The following CSMD1 variants were observed in gnomAD, a reference collection of about 807,000 sequenced individuals.
The protein encoded by CSMD1 is CUB and Sushi multiple domains 1, also known as CUB and sushi domain-containing protein 1.
CSMD1 carries 213 observed loss-of-function variants against 417.5 expected under a neutral mutation model. The observed-to-expected ratio is 0.51, with a 90% confidence interval of 0.46 to 0.57. The LOEUF (loss-of-function observed/expected upper bound fraction) is 0.57, where lower values mean the gene tolerates loss of function less well. Ranked by LOEUF, CSMD1 falls within the 20% of genes least tolerant of loss-of-function variation. The pLI, the probability that CSMD1 is intolerant of heterozygous loss-of-function variation, is 0.00. For missense variants in CSMD1, 6,923 were observed against 4,529.7 expected, an observed-to-expected ratio of 1.53 and a Z score of -15.17; for synonymous variants, 2,862 against 1,736.8, an observed-to-expected ratio of 1.65 and a Z score of -16.11.
intron 5 of CSMD1, among the ~76,000 whole-genome samples, chr8:3,831,226 T>TA (rs765847215): frequency 5.1e-4 from 77 of 151,866 alleles, no homozygotes; most frequent in Non-Finnish European, 7.2e-4. Context: ...GAAAGTTAAA[T>TA]AAAAAAAACA....
At chr8:3,278,044 C>G (rs1367669283) in intron 26 of CSMD1, among the ~76,000 whole-genome samples, 1 of 152,018 alleles carries the variant, frequency 6.6e-6, no homozygotes, top group Admixed American at 6.6e-5. Flanking sequence ...AAGGGAGACC[C>G]AAGGACAAGC....
intron 20 of CSMD1, among the ~76,000 whole-genome samples, chr8:3,359,588 G>A (rs1248739278): frequency 1.3e-5 from 2 of 151,388 alleles, no homozygotes; most frequent in African/African-American, 4.9e-5. Context: ...ATTACTAGAG[G>A]CTGGGAAGGG....
At chr8:3,479,710 A>G (rs1394041387) in intron 11 of CSMD1, among the ~76,000 whole-genome samples, 1 of 152,222 alleles carries the variant, frequency 6.6e-6, no homozygotes, top group African/African-American at 2.4e-5. Context: ...AAGAGCTGGG[A>G]CACAATCATC....
intron 20 of CSMD1, among the ~76,000 whole-genome samples, chr8:3,362,637 T>G (rs2117730377): frequency 1.3e-5 from 2 of 152,306 alleles, no homozygotes; most frequent in South Asian, 4.1e-4. Flanking sequence ...AAGACTCTTG[T>G]CAATCACTCT....
intron 12 of CSMD1, among the ~76,000 whole-genome samples, chr8:3,466,923 A>T (rs1010296608): frequency 1.3e-4 from 20 of 152,032 alleles, no homozygotes; most frequent in African/African-American, 4.6e-4. Flanking sequence ...AAAATCCTCA[A>T]ATGTTGTATT....
In CSMD1 at chr8:3,575,057, C is replaced by G; in HGVS notation, c.1232G>C (p.Cys411Ser). Reference sequence around the variant, plus strand: ...GCTGGGCCCACGCAGATTGGATCCACATGTTCTCGCTGGAAACACATAGAA... The same window carrying G: ...GCTGGGCCCACGCAGATTGGATCCAGATGTTCTCGCTGGAAACACATAGAA... ...DHRPICRARTCGSNLRGPSGV... is the reference protein window; with the variant it reads ...DHRPICRARTSGSNLRGPSGV... Residue 411 changes from cysteine (C) to serine (S), a missense_variant, in exon 10 of 70, where the codon TGT becomes TCT. Cys to Ser is a moderately radical substitution (Grantham distance 112, BLOSUM62 -1). Coordinates refer to ENST00000635120, the MANE Select transcript of CSMD1 (RefSeq NM_033225.6). 6.2e-7 allele frequency: 1 copy of G among 1,612,508 alleles called. No homozygotes were observed. Among genetic ancestry groups the G allele is most frequent in the Non-Finnish European group, 8.5e-7 (1 of 1,179,214 alleles).
chr8:3,793,247 T>C (rs539582837), intron 5 of CSMD1, among the ~76,000 whole-genome samples: 3 of 152,286 alleles, frequency 2.0e-5, no homozygotes, highest in East Asian at 1.9e-4. Context: ...ACCTTAATGG[T>C]CATCAATCTC....
intron 33 of CSMD1, among the ~76,000 whole-genome samples, chr8:3,193,483 A>T (rs911015223): frequency 1.3e-5 from 2 of 152,158 alleles, no homozygotes; most frequent in Non-Finnish European, 2.9e-5. Context: ...GGTGGAAATC[A>T]GACAGTGCTG....
At chr8:4,597,886 G>T (rs996787091) in intron 2 of CSMD1, among the ~76,000 whole-genome samples, 10 of 152,052 alleles carry the variant, frequency 6.6e-5, no homozygotes, top group African/African-American at 2.4e-4. Flanking sequence ...GATTAATTAG[G>T]TAAGATTTGG....
intron 1 of CSMD1, among the ~76,000 whole-genome samples, chr8:4,699,601 G>A (rs565375254): frequency 9.0e-4 from 137 of 152,210 alleles, no homozygotes; most frequent in African/African-American, 2.8e-3. Context: ...AAACATCAGA[G>A]CTCTTGGCAT....
intron 59 of CSMD1, among the ~76,000 whole-genome samples, chr8:2,965,352 C>T (rs1563187704): frequency 6.6e-6 from 1 of 152,178 alleles, no homozygotes. Context: ...CACTCTCTAC[C>T]AGTGCTCTGC....
At chr8:3,301,754 G>C (rs993042246) in intron 25 of CSMD1, among the ~76,000 whole-genome samples, 4 of 152,118 alleles carry the variant, frequency 2.6e-5, no homozygotes, top group Non-Finnish European at 5.9e-5. Context: ...GTAAGGAGCT[G>C]GTGCTTGTCA....
intron 1 of CSMD1, among the ~76,000 whole-genome samples, chr8:4,719,492 C>T (rs936453163): frequency 6.6e-6 from 1 of 151,802 alleles, no homozygotes; most frequent in African/African-American, 2.4e-5. Flanking sequence ...TCTTCAAGCG[C>T]ATTGTAAGTA....
At chr8:3,879,720 T>C (rs1370352733) in intron 5 of CSMD1, among the ~76,000 whole-genome samples, 1 of 146,138 alleles carries the variant, frequency 6.8e-6, no homozygotes, top group Non-Finnish European at 1.5e-5. Flanking sequence ...ACTCCTAACC[T>C]ACATAGAAAA....
chr8:4,549,717 C>T (rs944508790), intron 2 of CSMD1, among the ~76,000 whole-genome samples: 4 of 151,622 alleles, frequency 2.6e-5, no homozygotes, highest in Admixed American at 6.6e-5. Context: ...GGCAAAACCC[C>T]GTCTCTACTA....
chr8:4,055,418 A>G (rs138254516), intron 3 of CSMD1, among the ~76,000 whole-genome samples: 7 of 152,176 alleles, frequency 4.6e-5, no homozygotes, highest in East Asian at 3.9e-4. Context: ...TAAACTCACT[A>G]AACATTCCAA....
chr8:4,552,142 A>G (rs186169324), intron 2 of CSMD1, among the ~76,000 whole-genome samples: 1 of 152,294 alleles, frequency 6.6e-6, no homozygotes, highest in Admixed American at 6.5e-5. Flanking sequence ...AAAATCTAAC[A>G]TGCATTGGGA....
chr8:4,403,039 G>A (rs971240478), intron 3 of CSMD1, among the ~76,000 whole-genome samples: 13 of 151,518 alleles, frequency 8.6e-5, no homozygotes, highest in Non-Finnish European at 1.6e-4. Flanking sequence ...CACCACGTTG[G>A]CCAGGATGGT....
At chr8:3,846,577 T>C (rs1033156179) in intron 5 of CSMD1, among the ~76,000 whole-genome samples, 2 of 152,190 alleles carry the variant, frequency 1.3e-5, no homozygotes, top group East Asian at 1.9e-4. Context: ...TTAGATTAAG[T>C]TGACATTTAA....
Sources: gnomAD v4.1 joint callset for allele counts (sites outside exome capture counted in the v4.1 genomes callset) on GRCh38, gnomAD v4.1.1 for gene constraint, MANE v1.5 for transcripts, NCBI Gene and HGNC (gene_info 2026-07-23, HGNC 2026-07-21) for gene names.